The following TEX29 variants were observed in gnomAD, a reference collection of about 807,000 sequenced individuals.
TEX29 encodes the protein testis expressed 29.
A neutral mutation model predicts 18.2 loss-of-function variants in TEX29; 26 were observed. That is an observed-to-expected ratio of 1.43 (90% confidence interval 1.04 to 1.98). TEX29 has a LOEUF of 1.98. TEX29 is among the 30% of genes most tolerant of loss of function. The pLI is 0.00. For missense variants in TEX29, 177 were observed against 194.2 expected (o/e 0.91, Z 0.53); for synonymous variants, 83 against 78.5 (o/e 1.06, Z -0.31).
chr13:111,320,995 T>TGGGGGGGGGGCCCCCTGGGG, intron 2 of TEX29, 47 bp downstream of exon 2: 1 of 320,862 alleles, frequency 3.1e-6, no homozygotes. Context: ...GGGGAGCAGT[T>TGGGGGGGGGGCCCCCTGGGG]GGGGGGGGGC....
intron 2 of TEX29, among the ~76,000 whole-genome samples, chr13:111,327,405 GGC>G (rs903769622): frequency 3.9e-5 from 6 of 152,200 alleles, no homozygotes; most frequent in African/African-American, 2.4e-5. Flanking sequence ...CTTACAGAGG[GGC>G]CAGGGAAGAC....
At chr13:111,344,002 G>C (rs2093700799) in intron 5 of TEX29, 81 bp from the exon 6 acceptor site, 3 of 1,235,602 alleles carry the variant, frequency 2.4e-6, no homozygotes, top group African/African-American at 1.5e-5. Flanking sequence ...ATGTAGATGG[G>C]TTCAAAGATC....
At chr13:111,318,433 G>C (rs941739210), upstream of TEX29, among the ~76,000 whole-genome samples, 5 of 152,220 alleles carry the variant, frequency 3.3e-5, no homozygotes, top group African/African-American at 9.6e-5. Flanking sequence ...CTGAGTCCAT[G>C]CTGGCTGCTC....
chr13:111,328,219 A>G lies in TEX29; in HGVS notation c.95A>G (p.Asn32Ser), dbSNP rs766532225. ...DVPLYDICDY[N>S]VSRDRCQELG... is the part of the protein sequence containing the mutation. ...CCTCTGTATGACATTTGTGACTACA[A>G]CGTCTCCAGGGACCGATGCCAGGAG... is the stretch of plus-strand genomic sequence containing the variant. The change falls in exon 3 of 6, where the codon AAC becomes AGC. Residue 32 changes from asparagine to serine, a missense_variant. Asn to Ser is a conservative substitution (Grantham distance 46). Transcript: ENST00000283547. The G allele has an allele frequency of 2.2e-5, 35 of 1,613,846 alleles. No homozygotes were observed. Among genetic ancestry groups the G allele is most frequent in the African/African-American group, 2.7e-5 (2 of 74,890 alleles).
chr13:111,322,079 G>A (rs1310294490), intron 2 of TEX29, among the ~76,000 whole-genome samples: 1 of 152,258 alleles, frequency 6.6e-6, no homozygotes, highest in Non-Finnish European at 1.5e-5. Flanking sequence ...ACCTGGCCCT[G>A]CAGCTCTCGC....
chr13:111,330,030 A>G (rs1429457592), intron 3 of TEX29, among the ~76,000 whole-genome samples: 22 of 150,940 alleles, frequency 1.5e-4, no homozygotes, highest in Admixed American at 1.4e-3. Context: ...GGTGTTGCAA[A>G]GAAAGTACAT....
chr13:111,334,571 C>A (rs1437068147), intron 3 of TEX29, among the ~76,000 whole-genome samples: 1 of 152,242 alleles, frequency 6.6e-6, no homozygotes, highest in Admixed American at 6.5e-5. Flanking sequence ...ATGTCCATGG[C>A]CCTCTAGATT....
upstream of TEX29, among the ~76,000 whole-genome samples, chr13:111,318,064 C>T (rs1402398318): frequency 2.0e-5 from 3 of 152,152 alleles, no homozygotes; most frequent in Admixed American, 6.5e-5. Context: ...TGAGGAAACA[C>T]AGTTCAGCCT....
At chr13:111,326,257 T>C (rs74126337) in intron 2 of TEX29, among the ~76,000 whole-genome samples, 26,388 of 106,690 alleles carry the variant, frequency 0.25, 3,526 homozygotes, top group African/African-American at 0.39. Flanking sequence ...AACGCGAGCC[T>C]GGCGCTGGTG....
chr13:111,332,813 A>G (rs543867487), intron 3 of TEX29, among the ~76,000 whole-genome samples: 9 of 152,252 alleles, frequency 5.9e-5, no homozygotes, highest in African/African-American at 9.6e-5. Context: ...TTCTGCATCT[A>G]TTGAGCACCT....
upstream of TEX29, among the ~76,000 whole-genome samples, chr13:111,320,362 A>G (rs2093661767): frequency 6.6e-6 from 1 of 152,150 alleles, no homozygotes; most frequent in Non-Finnish European, 1.5e-5. Context: ...GAAGGGAGGG[A>G]CAGGACTCAA....
At chr13:111,323,195 C>T (rs751340543) in intron 2 of TEX29, among the ~76,000 whole-genome samples, 1 of 152,234 alleles carries the variant, frequency 6.6e-6, no homozygotes, top group Non-Finnish European at 1.5e-5. Context: ...TCATCCGGGA[C>T]AGGAGGCAGC....
chr13:111,344,101 A>G lies in TEX29; in HGVS notation c.434A>G (p.Glu145Gly). ...AATCTAGTAACAGGGACAATAACAG[A>G]AGCCGAAGAAACTGAGGACTGACTG... ...DKDDVTGTITEAEETED is the reference protein window; with the variant it reads ...DKDDVTGTITGAEETED Residue 145 changes from glutamate to glycine, a missense_variant, in exon 6 of 6, where the codon GAA becomes GGA. By Grantham distance (98) the Glu-to-Gly change is moderately conservative. Coordinates refer to ENST00000283547, the MANE Select transcript of TEX29 (RefSeq NM_152324.3). 6.2e-7 allele frequency: 1 copy of G among 1,613,312 alleles called. No homozygotes were observed. The highest frequency in any genetic ancestry group is 1.1e-5 in the South Asian group (1 of 90,894).
rs1031738216 is a variant in TEX29, at chr13:111,320,743, G to T, written c.-54G>T. On this transcript the variant is annotated 5_prime_UTR_variant, in exon 1 of 6. Coordinates refer to ENST00000283547, the MANE Select transcript of TEX29 (RefSeq NM_152324.3). ...GAGGCACAGGTGGCTGAGGGGACCC[G>T]CCTGGGATGTGAGGCGCAGGTGAGT... 28 of 923,676 alleles carry T rather than the reference G, an allele frequency of 3.0e-5. No homozygotes were observed. The highest frequency in any genetic ancestry group is 3.5e-6 in the Non-Finnish European group (2 of 565,008). 57.2% of individuals were successfully genotyped at this position (923,676 alleles called of 1,614,324 possible). A position where few individuals can be genotyped will look rare whatever the true frequency, so the allele number is the denominator to read the frequency against.
chr13:111,336,919 C>T (rs540147897), intron 3 of TEX29, among the ~76,000 whole-genome samples: 10 of 152,264 alleles, frequency 6.6e-5, no homozygotes, highest in South Asian at 4.1e-4. Context: ...GATGTACTGA[C>T]GGTGAAATAC....
At chr13:111,325,762 G>A (rs1006500875) in intron 2 of TEX29, among the ~76,000 whole-genome samples, 3 of 152,214 alleles carry the variant, frequency 2.0e-5, no homozygotes, top group Non-Finnish European at 4.4e-5. Context: ...ACGGCTGGGC[G>A]GTCAGATGCG....
At position 111,339,871 on chromosome 13, in the gene TEX29, C is replaced by T; in HGVS notation, c.178C>T (p.His60Tyr). The change falls in exon 4 of 6, where the codon CAC (histidine) becomes TAC (tyrosine). Residue 60 changes from histidine (H) to tyrosine (Y), a missense_variant. His to Tyr is a moderately conservative substitution (Grantham distance 83). Transcript: ENST00000283547. ...CYKKAVPIYIHVFSALIVIIA... is the reference protein window; with the variant it reads ...CYKKAVPIYIYVFSALIVIIA... ...ATCCCACCATTTTTCAGTTTACATC[C>T]ACGTGTTCTCTGCCTTGATTGTGAT... 2.5e-6 allele frequency: 4 copies of T among 1,613,718 alleles called. No individual in the cohort carries two copies. The highest frequency in any genetic ancestry group is 2.5e-6 in the Non-Finnish European group (3 of 1,179,758).
chr13:111,329,375 T>C (rs1328258355), intron 3 of TEX29, among the ~76,000 whole-genome samples: 4 of 151,980 alleles, frequency 2.6e-5, no homozygotes, highest in Non-Finnish European at 5.9e-5. Flanking sequence ...CCAAAGTGAG[T>C]AAAGGCCCCT....
chr13:111,338,286 G>A lies in TEX29; in HGVS notation c.170-1577G>A, dbSNP rs1219872730. On this transcript the variant is annotated intron_variant, in intron 3 of 5. Coordinates refer to ENST00000283547, the MANE Select transcript of TEX29 (RefSeq NM_152324.3). ...TAGAGTGAGCCCTCCATCCAAAATGGCTGGTGTCCTTGTAAAAAGAGAAGA... is the reference window on the plus strand; with the variant it reads ...TAGAGTGAGCCCTCCATCCAAAATGACTGGTGTCCTTGTAAAAAGAGAAGA... Among the ~76,000 whole-genome samples the A allele has an allele frequency of 2.0e-5, 3 of 152,156 alleles. No homozygotes were observed. The East Asian group carries it at 5.8e-4, about 29-fold the overall frequency.
Sources: allele counts gnomAD v4.1 joint callset (sites outside exome capture counted in the v4.1 genomes callset), GRCh38; gene constraint gnomAD v4.1.1; transcripts MANE v1.5; gene names NCBI Gene and HGNC (gene_info 2026-07-23, HGNC 2026-07-21).